The following DNAH11 variants were observed in gnomAD, a reference collection of about 807,000 sequenced individuals.
DNAH11 encodes axonemal beta dynein heavy chain 11.
DNAH11 carries 442 observed loss-of-function variants against 526.0 expected under a neutral mutation model. That is an observed-to-expected ratio of 0.84 (90% CI 0.78 to 0.91). DNAH11 has a LOEUF of 0.91. Ranked by LOEUF, DNAH11 falls within the 40% of genes least tolerant of loss-of-function variation. DNAH11 has a pLI of 0.00. For missense variants in DNAH11, 6,989 were observed against 5,448.7 expected, an observed-to-expected ratio of 1.28 and a Z score of -8.90; for synonymous variants, 2,461 against 1,935.9, an observed-to-expected ratio of 1.27 and a Z score of -7.12.
rs1355460550 is a variant in DNAH11 at position 21,816,684 on chromosome 7, C to T, written c.10550C>T (p.Thr3517Ile). 1.9e-6 allele frequency: 3 copies of T among 1,613,464 alleles called. No individual in the cohort carries two copies. The highest frequency in any genetic ancestry group is 2.2e-5 in the South Asian group (2 of 90,960). The part of the protein sequence containing the change: ...KNKYGMDLKV[T>I]HLGQKGFLNA... ...AAGTATGGAATGGACCTGAAAGTCACACATTTGGGCCAGAAAGGGTATGTG... is the reference window on the plus strand; with the variant it reads ...AAGTATGGAATGGACCTGAAAGTCATACATTTGGGCCAGAAAGGGTATGTG... Residue 3517 changes from threonine to isoleucine, a missense_variant, in exon 64 of 82, where the codon ACA becomes ATA. By Grantham distance (89) the Thr-to-Ile change is moderately conservative. Transcript: ENST00000409508.
chr7:21,766,182 T>G (rs947572785), intron 55 of DNAH11, among the ~76,000 whole-genome samples: 1 of 152,198 alleles, frequency 6.6e-6, no homozygotes, highest in Admixed American at 6.5e-5. Context: ...TAAAATCAAA[T>G]TTAAAATCCC....
chr7:21,552,687 T>A (rs1039207186), intron 2 of DNAH11, among the ~76,000 whole-genome samples: 3 of 152,206 alleles, frequency 2.0e-5, no homozygotes, highest in African/African-American at 4.8e-5. Flanking sequence ...GGGGCTTCCA[T>A]GAAACCTTGT....
intron 46 of DNAH11, among the ~76,000 whole-genome samples, chr7:21,737,439 A>T (rs1785665078): frequency 6.6e-6 from 1 of 152,206 alleles, no homozygotes; most frequent in South Asian, 2.1e-4. Flanking sequence ...GAATGCTGAG[A>T]TGCAAACTGA....
intron 6 of DNAH11, among the ~76,000 whole-genome samples, chr7:21,565,812 C>G (rs1206688706): frequency 6.6e-6 from 1 of 152,188 alleles, no homozygotes; most frequent in Non-Finnish European, 1.5e-5. Flanking sequence ...TAGTTGCCTT[C>G]TGTTCTTTTG....
At chr7:21,690,136 G>C (rs6970647) in intron 34 of DNAH11, among the ~76,000 whole-genome samples, 1 of 152,078 alleles carries the variant, frequency 6.6e-6, no homozygotes, top group African/African-American at 2.4e-5. Flanking sequence ...AATCCTTGCA[G>C]AATCCAATAA....
intron 25 of DNAH11, among the ~76,000 whole-genome samples, chr7:21,631,502 G>C (rs1786608573): frequency 6.6e-6 from 1 of 152,210 alleles, no homozygotes; most frequent in Non-Finnish European, 1.5e-5. Context: ...TTACTTCCTA[G>C]ATAAAATGGG....
intron 28 of DNAH11, among the ~76,000 whole-genome samples, chr7:21,643,092 A>G (rs960708547): frequency 2.6e-5 from 4 of 152,168 alleles, no homozygotes; most frequent in Non-Finnish European, 5.9e-5. Flanking sequence ...TTAAAGGTGT[A>G]TTTGCAGGAT....
In DNAH11 at chr7:21,567,687, A is replaced by G. The variant is rs1296091303; in HGVS notation, c.1195-2382A>G. ...TTTCTGATCTACTTTACTCAGTTTC[A>G]TTACATGCTTGACCCTATGACGGGA... On this transcript the variant is annotated intron_variant, in intron 6 of 81. Coordinates refer to ENST00000409508, the MANE Select transcript of DNAH11 (RefSeq NM_001277115.2). 2.0e-5 allele frequency among the ~76,000 whole-genome samples: 3 copies of G among 152,208 alleles called. No homozygotes were observed. The East Asian group carries it at 5.8e-4, about 29-fold the overall frequency.
At chr7:21,707,974 G>A in intron 40 of DNAH11, 139 bp downstream of exon 40, 1 of 814,384 alleles carries the variant, frequency 1.2e-6, no homozygotes, top group Non-Finnish European at 1.8e-6. Flanking sequence ...GATCACAACA[G>A]CATTTATAAT....
At chr7:21,765,342 C>A in intron 54 of DNAH11, 86 bp from the exon 55 acceptor site, 1 of 1,589,402 alleles carries the variant, frequency 6.3e-7, no homozygotes. Flanking sequence ...TGGCTGCACT[C>A]CTTTCTCTCA....
intron 2 of DNAH11, among the ~76,000 whole-genome samples, chr7:21,554,326 A>G (rs539741672): frequency 2.5e-4 from 38 of 152,088 alleles, no homozygotes; most frequent in African/African-American, 9.2e-4. Flanking sequence ...GGTGCGTACC[A>G]CCATGCCCAG....
chr7:21,612,171 G>A (rs1305859713), intron 20 of DNAH11, among the ~76,000 whole-genome samples: 1 of 152,068 alleles, frequency 6.6e-6, no homozygotes, highest in East Asian at 1.9e-4. Flanking sequence ...CAGTAAATCT[G>A]AGTAGTCATA....
chr7:21,874,073 G>A (rs368228094), intron 74 of DNAH11, among the ~76,000 whole-genome samples: 1 of 151,986 alleles, frequency 6.6e-6, no homozygotes, highest in Non-Finnish European at 1.5e-5. Flanking sequence ...TTACAGACAT[G>A]AGCCACCGCG....
At chr7:21,804,088 TTTTG>T (rs1235564370) in intron 62 of DNAH11, among the ~76,000 whole-genome samples, 2 of 7,568 alleles carry the variant, frequency 2.6e-4, no homozygotes, top group Non-Finnish European at 7.2e-4. Context: ...GTTTTTTTTG[TTTTG>T]TTTTGTTTTG....
intron 2 of DNAH11, among the ~76,000 whole-genome samples, chr7:21,546,264 C>A (rs989111540): frequency 3.9e-5 from 6 of 152,174 alleles, no homozygotes; most frequent in African/African-American, 1.4e-4. Context: ...GTCTCTCACC[C>A]CTAACTCCTG....
At chr7:21,703,780 T>C (rs921218268) in intron 37 of DNAH11, 1 of 152,206 alleles carries the variant, frequency 6.6e-6, no homozygotes, top group Non-Finnish European at 1.5e-5. Flanking sequence ...CCCAAAACTT[T>C]ACTCTGTGTG....
chr7:21,584,367 G>A (rs553595067), intron 9 of DNAH11, among the ~76,000 whole-genome samples: 1 of 152,138 alleles, frequency 6.6e-6, no homozygotes, highest in African/African-American at 2.4e-5. Flanking sequence ...TCATAAGTGG[G>A]AGTTAAACAG....
chr7:21,832,659 T>C (rs577714196), intron 65 of DNAH11, among the ~76,000 whole-genome samples: 1 of 152,312 alleles, frequency 6.6e-6, no homozygotes, highest in South Asian at 2.1e-4. Flanking sequence ...ATATAGTGGC[T>C]AATTGGAAAA....
intron 25 of DNAH11, among the ~76,000 whole-genome samples, chr7:21,635,607 G>A (rs994941807): frequency 2.0e-5 from 3 of 148,520 alleles, no homozygotes; most frequent in Admixed American, 6.8e-5. Context: ...ATAGATGCAG[G>A]GCCTTCTTGA....
Sources: gnomAD v4.1 joint callset for allele counts (sites outside exome capture counted in the v4.1 genomes callset) on GRCh38, gnomAD v4.1.1 for gene constraint, MANE v1.5 for transcripts, NCBI Gene and HGNC (gene_info 2026-07-23, HGNC 2026-07-21) for gene names.